Variants in ABCC6 observed in about 807,000 individuals in gnomAD.
The protein encoded by ABCC6 is ATP binding cassette subfamily C member 6.
ABCC6 carries 126 observed loss-of-function variants against 169.5 expected under a neutral mutation model. That is an observed-to-expected ratio of 0.74 (90% CI 0.64 to 0.86). The LOEUF (loss-of-function observed/expected upper bound fraction) is 0.86. Ranked by LOEUF, ABCC6 falls within the 40% of genes least tolerant of loss-of-function variation. The pLI, the probability that ABCC6 is intolerant of heterozygous loss-of-function variation, is 0.00. For missense variants in ABCC6, 1,733 were observed against 1,927.2 expected, an observed-to-expected ratio of 0.90 and a Z score of 1.89; for synonymous variants, 752 against 814.7, an observed-to-expected ratio of 0.92 and a Z score of 1.31.
intron 23 of ABCC6, 109 bp downstream of exon 23, chr16:16,165,514 C>G: frequency 8.3e-7 from 1 of 1,202,198 alleles, no homozygotes; most frequent in South Asian, 1.3e-5. Context: ...AGGAACAGCC[C>G]CTAGATGTCC....
intron 7 of ABCC6, among the ~76,000 whole-genome samples, chr16:16,205,101 G>T (rs902070848): frequency 6.6e-6 from 1 of 152,108 alleles, no homozygotes; most frequent in Admixed American, 6.6e-5. Flanking sequence ...CTCCCAAAGT[G>T]CTGGGATTAC....
Position 16,163,184 on chromosome 16 carries a change from A to G in ABCC6, c.3315T>C (p.Tyr1105=), listed in dbSNP as rs1268592638. The change falls in exon 24 of 31, where the codon TAT becomes TAC. Residue 1105 remains tyrosine, a synonymous_variant. Transcript: ENST00000205557. ...FLLYAGFQSL[Y]VVSSCQLRRL... The stretch of plus-strand genomic sequence containing the variant: ...GTCTCAGCTGGCATGAGCTAACCAC[A>G]TACAGGCTCTGAGAAGGATGGATGG... 1 of 1,613,388 alleles carries G rather than the reference A, an allele frequency of 6.2e-7. No individual in the cohort carries two copies.
chr16:16,185,465 C>T (rs1051665354), intron 14 of ABCC6, among the ~76,000 whole-genome samples: 1 of 152,166 alleles, frequency 6.6e-6, no homozygotes, highest in Non-Finnish European at 1.5e-5. Flanking sequence ...CAAATCCCAG[C>T]CTTCCCAGAG....
chr16:16,211,599 G>A (rs2048623091), intron 6 of ABCC6, among the ~76,000 whole-genome samples: 1 of 152,100 alleles, frequency 6.6e-6, no homozygotes, highest in Non-Finnish European at 1.5e-5. Context: ...AAGTGGTAGG[G>A]CCAGGATTCA....
chr16:16,220,008 G>A, intron 2 of ABCC6, 61 bp from the exon 3 acceptor site: 2 of 1,530,970 alleles, frequency 1.3e-6, no homozygotes, highest in Non-Finnish European at 1.8e-6. Context: ...CAAACTGGTA[G>A]GCGGCCCCAT....
At chr16:16,166,550 A>C (rs976370240) in intron 22 of ABCC6, among the ~76,000 whole-genome samples, 1 of 151,910 alleles carries the variant, frequency 6.6e-6, no homozygotes, top group South Asian at 2.1e-4. Context: ...ACCACCAGAA[A>C]CCAGGAGAGA....
chr16:16,150,435 T>C (rs966154215), intron 30 of ABCC6, 143 bp downstream of exon 30: 7 of 1,495,714 alleles, frequency 4.7e-6, no homozygotes, highest in Non-Finnish European at 6.3e-6. Flanking sequence ...ACTTGGCATG[T>C]GTTCCCGGGC....
At chr16:16,190,685 C>CTT (rs1354931045) in intron 11 of ABCC6, among the ~76,000 whole-genome samples, 3 of 142,396 alleles carry the variant, frequency 2.1e-5, no homozygotes, top group African/African-American at 7.7e-5. Context: ...TGAGCTACGT[C>CTT]TTTTTTTTTT....
intron 20 of ABCC6, among the ~76,000 whole-genome samples, chr16:16,175,626 C>A (rs1199518009): frequency 6.6e-6 from 1 of 152,218 alleles, no homozygotes; most frequent in East Asian, 1.9e-4. Flanking sequence ...CTGCAGCATT[C>A]AGACAACTCC....
intron 5 of ABCC6, 104 bp from the exon 6 acceptor site, chr16:16,212,350 C>T: frequency 1.1e-6 from 1 of 952,198 alleles, no homozygotes; most frequent in Non-Finnish European, 1.7e-6. Flanking sequence ...GCTCTGTTGC[C>T]CAGGCCAGAG....
chr16:16,159,229 C>A (rs188802481), intron 26 of ABCC6, among the ~76,000 whole-genome samples: 17 of 152,112 alleles, frequency 1.1e-4, no homozygotes, highest in African/African-American at 4.1e-4. Flanking sequence ...CTTGTGGTTC[C>A]CTGCACTCCC....
chr16:16,178,609 G>A (rs765466005), intron 18 of ABCC6, among the ~76,000 whole-genome samples, 189 bp downstream of exon 18: 4 of 152,104 alleles, frequency 2.6e-5, no homozygotes, highest in Non-Finnish European at 5.9e-5. Context: ...AGAAACACCT[G>A]CTGTTGTAAG....
intron 22 of ABCC6, 29 bp from the exon 23 acceptor site, chr16:16,165,962 A>C (rs755035862): frequency 1.1e-5 from 17 of 1,608,316 alleles, no homozygotes; most frequent in Non-Finnish European, 1.4e-5. Context: ...TAAGAGCATG[A>C]GGGCTGGAGA....
chr16:16,214,276 T>G, intron 5 of ABCC6, 48 bp downstream of exon 5: 1 of 1,547,652 alleles, frequency 6.5e-7, no homozygotes, highest in Non-Finnish European at 8.7e-7. Flanking sequence ...TGGGGGAGAC[T>G]GAGACCTCAA....
chr16:16,196,745 A>G (rs2048050982), intron 10 of ABCC6, among the ~76,000 whole-genome samples: 1 of 152,208 alleles, frequency 6.6e-6, no homozygotes. Flanking sequence ...TCTGTCACCC[A>G]GGCTGGAGTG....
rs75783374 is a variant in ABCC6, at chr16:16,153,914, GAA to G, written c.4208+712_4208+713del. On this transcript the variant is annotated intron_variant, in intron 29 of 30. Transcript: ENST00000205557. ...GCCAGACCCTGTCTCCAAAGAAAAA[GAA>G]AAAAAAAAAAAAAGGTTGAGATAGT... Among the ~76,000 whole-genome samples, 95 of 105,716 alleles carry G rather than the reference GAA, an allele frequency of 9.0e-4. 1 individual carries two copies. The highest frequency in any genetic ancestry group is 9.1e-3 in the Middle Eastern group (2 of 220). The allele number at this position is 105,716 out of a possible 152,430, so 69.4% of individuals were successfully genotyped here. A position where few individuals can be genotyped will look rare whatever the true frequency, so the allele number is the denominator to read the frequency against.
intron 27 of ABCC6, 101 bp downstream of exon 27, chr16:16,157,562 G>T: frequency 6.8e-7 from 1 of 1,478,382 alleles, no homozygotes; most frequent in Non-Finnish European, 9.3e-7. Context: ...ACCTGAGGTG[G>T]GGACACTGTG....
In ABCC6 at chr16:16,221,766, T is replaced by C; in HGVS notation, c.102A>G (p.Thr34=). 1 of 1,613,776 alleles carries C rather than the reference T, an allele frequency of 6.2e-7. No individual in the cohort carries two copies. The highest frequency in any genetic ancestry group is 1.1e-5 in the South Asian group (1 of 91,068). Residue 34 remains threonine (T), a synonymous_variant, in exon 2 of 31, where the codon ACA becomes ACG. Transcript: ENST00000205557. The part of the protein sequence containing the change: ...TSLLSLCFLR[T]AGVWVPPMYL... ...ACATGGGGGGTACCCAGACCCCTGC[T>C]GTTCTCAGGAAGCACAGGCTCAGCA...
rs72664208 is a variant in ABCC6 at position 16,182,799 on chromosome 16, C to T, written c.2070+5G>A. ...TCCTAGCAGACAGGCTGGGGGTGGC[C>T]TCACCTCGATGCTCACGAACCCCTC... is the stretch of plus-strand genomic sequence containing the variant. On this transcript the variant is annotated splice_donor_5th_base_variant and intron_variant, in intron 16 of 30. Transcript: ENST00000205557. 13 of 1,613,776 alleles carry T rather than the reference C, an allele frequency of 8.1e-6. No individual in the cohort carries two copies. The highest frequency in any genetic ancestry group is 1.1e-5 in the Non-Finnish European group (13 of 1,179,936).
Sources: gnomAD v4.1 joint callset for allele counts (sites outside exome capture counted in the v4.1 genomes callset) on GRCh38, gnomAD v4.1.1 for gene constraint, MANE v1.5 for transcripts, NCBI Gene and HGNC (gene_info 2026-07-23, HGNC 2026-07-21) for gene names.